The following CADPS variants were observed in gnomAD, a reference collection of about 807,000 sequenced individuals.
CADPS encodes calcium-dependent secretion activator 1.
Under a neutral mutation model 167.3 loss-of-function variants are expected in CADPS, and 57 were observed. The ratio of observed to expected loss-of-function variants is 0.34; its 90% CI spans 0.28 to 0.42. The LOEUF is 0.42. Ranked by LOEUF, CADPS falls within the 20% of genes least tolerant of loss-of-function variation. CADPS has a pLI of 1.00. For synonymous variants in CADPS, 676 were observed against 635.3 expected, an observed-to-expected ratio of 1.06 and a Z score of -0.96; for missense variants, 1,414 against 1,738.1, an observed-to-expected ratio of 0.81 and a Z score of 3.32.
At chr3:62,845,477 TATAA>T (rs944941616) in intron 1 of CADPS, among the ~76,000 whole-genome samples, 13 of 152,338 alleles carry the variant, frequency 8.5e-5, no homozygotes, top group East Asian at 5.8e-4. Flanking sequence ...AATAAGATTA[TATAA>T]ATAAAGTTAT....
chr3:62,667,675 G>A (rs970222480), intron 3 of CADPS, among the ~76,000 whole-genome samples: 3 of 152,026 alleles, frequency 2.0e-5, no homozygotes, highest in Non-Finnish European at 2.9e-5. Flanking sequence ...GCAACCTCAT[G>A]CAGCCCCACA....
At chr3:62,805,240 G>T (rs1312958536) in intron 1 of CADPS, among the ~76,000 whole-genome samples, 1 of 152,164 alleles carries the variant, frequency 6.6e-6, no homozygotes, top group Admixed American at 6.5e-5. Flanking sequence ...CTGTTATTGA[G>T]AATTCATTTG....
At chr3:62,747,124 A>T (rs580358) in intron 3 of CADPS, among the ~76,000 whole-genome samples, 30,629 of 152,244 alleles carry the variant, frequency 0.2, 3,899 homozygotes, top group African/African-American at 0.36. Context: ...GCCTAGTGCA[A>T]AGTAGATGCT....
intron 24 of CADPS, among the ~76,000 whole-genome samples, chr3:62,471,806 A>G (rs1416993708): frequency 1.3e-5 from 2 of 152,218 alleles, no homozygotes; most frequent in Non-Finnish European, 2.9e-5. Context: ...GAAACCTGTT[A>G]TGTTTTAAAG....
intron 29 of CADPS, among the ~76,000 whole-genome samples, chr3:62,400,899 A>G (rs1027236100): frequency 6.6e-6 from 1 of 151,984 alleles, no homozygotes; most frequent in African/African-American, 2.4e-5. Flanking sequence ...TGCCCGGCCC[A>G]TTATTTCTAT....
In CADPS at chr3:62,401,620, G is replaced by A. The variant is rs372882509; in HGVS notation, c.3882+1461C>T. Among the ~76,000 whole-genome samples the A allele has an allele frequency of 7.9e-5, 12 of 152,274 alleles. No homozygotes were observed. The South Asian group carries it at 1.5e-3, about 18-fold the overall frequency. ...TCTTGGTTTAAAGTTTGTGAATTCT[G>A]CTTCATAGCTCTGAGTTGTGGCATT... is the stretch of plus-strand genomic sequence containing the variant. On this transcript the variant is annotated intron_variant, in intron 29 of 29. Coordinates refer to ENST00000383710, the MANE Select transcript of CADPS (RefSeq NM_003716.4).
At chr3:62,653,594 A>G (rs1206606085) in intron 4 of CADPS, among the ~76,000 whole-genome samples, 2 of 152,138 alleles carry the variant, frequency 1.3e-5, no homozygotes, top group African/African-American at 2.4e-5. Flanking sequence ...GACCATATCT[A>G]TCTTAATACT....
At chr3:62,782,225 TGAA>T (rs774375632) in intron 1 of CADPS, among the ~76,000 whole-genome samples, 7 of 152,216 alleles carry the variant, frequency 4.6e-5, no homozygotes, top group Non-Finnish European at 1.0e-4. Context: ...TGGGCATTAA[TGAA>T]GCCTCTCTAA....
chr3:62,742,084 C>T (rs1191323163), intron 3 of CADPS, among the ~76,000 whole-genome samples: 1 of 152,082 alleles, frequency 6.6e-6, no homozygotes, highest in Non-Finnish European at 1.5e-5. Context: ...TGAAAGATCT[C>T]TACAAGGAGA....
intron 11 of CADPS, among the ~76,000 whole-genome samples, chr3:62,547,616 A>T (rs1482966440): frequency 9.4e-6 from 1 of 106,118 alleles, no homozygotes; most frequent in Non-Finnish European, 1.7e-5. Flanking sequence ...TCTAACTCTT[A>T]GGAGTTTGCT....
intron 3 of CADPS, among the ~76,000 whole-genome samples, chr3:62,709,368 C>G (rs2082936856): frequency 6.6e-6 from 1 of 152,156 alleles, no homozygotes; most frequent in African/African-American, 2.4e-5. Flanking sequence ...GTGCTTAAAT[C>G]TCCACTCCCT....
chr3:62,753,593 G>A lies in CADPS; in HGVS notation c.736C>T (p.Arg246Cys), dbSNP rs757880751. 3.1e-6 allele frequency: 5 copies of A among 1,614,086 alleles called. No individual in the cohort carries two copies. The highest frequency in any genetic ancestry group is 3.3e-5 in the Admixed American group (2 of 60,014). ...SWMAKFDAIY[R>C]GEEDPRKQQA... ...TGCTTCCGCGGGTCCTCTTCTCCAC[G>A]GTAGATGGCATCAAATTTGGCCATC... The change falls in exon 3 of 30, where the codon CGT becomes TGT. Residue 246 changes from arginine to cysteine, a missense_variant. By Grantham distance (180) the Arg-to-Cys change is radical. Transcript: ENST00000383710. This position sits in a 1 kb window ranked among gnomAD's most constrained non-coding sequence, Gnocchi z 4.6.
chr3:62,513,944 C>T (rs1293077771), intron 16 of CADPS, among the ~76,000 whole-genome samples: 1 of 151,996 alleles, frequency 6.6e-6, no homozygotes, highest in African/African-American at 2.4e-5. Flanking sequence ...CTCTTTAGAG[C>T]TGTTTGCAAG....
chr3:62,655,732 G>C (rs1263169623), intron 4 of CADPS, among the ~76,000 whole-genome samples: 3 of 152,118 alleles, frequency 2.0e-5, no homozygotes. Context: ...TCAGAAGGAG[G>C]AATGTGACAG....
chr3:62,749,832 T>G (rs895851682), intron 3 of CADPS, among the ~76,000 whole-genome samples: 1 of 152,178 alleles, frequency 6.6e-6, no homozygotes, highest in Non-Finnish European at 1.5e-5. Flanking sequence ...TTTTCAGGGA[T>G]GGAGTCAGAG....
At chr3:62,538,683 A>G (rs1052554307) in intron 11 of CADPS, among the ~76,000 whole-genome samples, 3 of 152,142 alleles carry the variant, frequency 2.0e-5, no homozygotes, top group African/African-American at 4.8e-5. Flanking sequence ...ATTGCCTTCA[A>G]TTATGATGGT....
chr3:62,672,898 A>G (rs541124152), intron 3 of CADPS, among the ~76,000 whole-genome samples: 1 of 152,154 alleles, frequency 6.6e-6, no homozygotes, highest in Non-Finnish European at 1.5e-5. Context: ...TACAGATGTG[A>G]GCCACTGCAC....
chr3:62,419,161 C>T (rs1528198), intron 28 of CADPS, among the ~76,000 whole-genome samples: 44,248 of 151,944 alleles, frequency 0.29, 6,573 homozygotes, highest in Admixed American at 0.33. Context: ...TTCTCAGTTC[C>T]GACCATTTCT....
chr3:62,827,074 G>A (rs932988566), intron 1 of CADPS, among the ~76,000 whole-genome samples: 3 of 152,206 alleles, frequency 2.0e-5, no homozygotes. Flanking sequence ...CCACATCCCA[G>A]TAGATAATTT....
Sources: allele counts gnomAD v4.1 joint callset (sites outside exome capture counted in the v4.1 genomes callset), GRCh38; gene constraint gnomAD v4.1.1; non-coding constraint Gnocchi (gnomAD v3.1); transcripts MANE v1.5; gene names NCBI Gene and HGNC (gene_info 2026-07-23, HGNC 2026-07-21).